SLC7A1: variants seen among roughly 807,000 people sequenced by gnomAD.
The protein encoded by SLC7A1 is high affinity cationic amino acid transporter 1.
A neutral mutation model predicts 53.9 loss-of-function variants in SLC7A1; 10 were observed. The ratio of observed to expected loss-of-function variants is 0.19; its 90% CI spans 0.11 to 0.31. The LOEUF (loss-of-function observed/expected upper bound fraction) is 0.31, where lower values mean the gene tolerates loss of function less well. Ranked by LOEUF, SLC7A1 falls within the 10% of genes least tolerant of loss-of-function variation. The pLI is 1.00. For missense variants in SLC7A1, 525 were observed against 827.2 expected (o/e 0.63, Z 4.48); for synonymous variants, 342 against 338.7 (o/e 1.01, Z -0.11).
chr13:29,554,266 C>G (rs1055655509), intron 1 of SLC7A1, among the ~76,000 whole-genome samples: 4 of 152,196 alleles, frequency 2.6e-5, no homozygotes, highest in Admixed American at 1.3e-4. Context: ...TATTGACCAG[C>G]AAGGCCAGCA....
At chr13:29,565,917 G>A (rs1016706030) in intron 1 of SLC7A1, among the ~76,000 whole-genome samples, 5 of 152,170 alleles carry the variant, frequency 3.3e-5, no homozygotes, top group Non-Finnish European at 5.9e-5. Context: ...TCTGGGCCAA[G>A]GAACCATCAC....
chr13:29,570,383 T>C (rs1871141180), intron 1 of SLC7A1, among the ~76,000 whole-genome samples: 1 of 152,256 alleles, frequency 6.6e-6, no homozygotes, highest in Non-Finnish European at 1.5e-5. Context: ...CTGCCCTCGC[T>C]GTGTGAACTT....
At chr13:29,518,585 A>C (rs1868467921) in intron 9 of SLC7A1, among the ~76,000 whole-genome samples, 1 of 152,166 alleles carries the variant, frequency 6.6e-6, no homozygotes, top group African/African-American at 2.4e-5. Context: ...CTCAGAGAAT[A>C]TTCTAGCATT....
In SLC7A1 at chr13:29,566,897, C is replaced by T. The variant is rs74738996; in HGVS notation, c.-114-13037G>A. Among the ~76,000 whole-genome samples, 22 of 152,340 alleles carry T rather than the reference C, an allele frequency of 1.4e-4. No homozygotes were observed. In the East Asian group the frequency reaches 3.5e-3, roughly 24 times the overall value. On this transcript the variant is annotated intron_variant, in intron 1 of 12. Transcript: ENST00000380752. ...TATTCAAGTTCGGTTGCTAAGGCAG[C>T]ACTTTCTCCCACATACTTTAATTCT... is the stretch of plus-strand genomic sequence containing the variant.
At chr13:29,522,898 G>A (rs1425111072) in intron 7 of SLC7A1, among the ~76,000 whole-genome samples, 5 of 152,190 alleles carry the variant, frequency 3.3e-5, no homozygotes, top group African/African-American at 1.2e-4. Context: ...CTCATTAAAA[G>A]GCACTTATTC....
At chr13:29,579,282 C>T (rs1367874546) in intron 1 of SLC7A1, among the ~76,000 whole-genome samples, 2 of 152,138 alleles carry the variant, frequency 1.3e-5, no homozygotes, top group Non-Finnish European at 2.9e-5. Context: ...TGAGGCGCCC[C>T]GCACAACAGG....
chr13:29,575,432 T>C (rs185551365), intron 1 of SLC7A1, among the ~76,000 whole-genome samples: 58 of 152,328 alleles, frequency 3.8e-4, no homozygotes, highest in African/African-American at 1.3e-3. Context: ...ATATTTTGAA[T>C]TTTTAAAGAG....
intron 5 of SLC7A1, among the ~76,000 whole-genome samples, chr13:29,530,093 A>G (rs1381052121): frequency 1.3e-5 from 2 of 152,160 alleles, no homozygotes; most frequent in African/African-American, 4.8e-5. Context: ...AGTTTCACCT[A>G]TTTCTCTTCC....
At position 29,523,404 on chromosome 13, in the gene SLC7A1, A is replaced by G; in HGVS notation, c.911T>C (p.Val304Ala). The G allele has an allele frequency of 6.2e-7, 1 of 1,613,792 alleles. No homozygotes were observed. The highest frequency in any genetic ancestry group is 8.5e-7 in the Non-Finnish European group (1 of 1,179,996). The change falls in exon 7 of 13, where the codon GTG (valine) becomes GCG (alanine). Residue 304 changes from valine to alanine, a missense_variant. This residue lies in a region of SLC7A1 where 354 missense variants were observed against 587.5 expected (regional missense o/e 0.60). Transcript: ENST00000380752. ...CATCATGAGCGTGAGGGCAGCCGAC[A>G]CCCCAAAGTAGGCGATGAAGCAGAT... is the stretch of plus-strand genomic sequence containing the variant. ...LLICFIAYFG[V>A]SAALTLMMPY...
intron 6 of SLC7A1, 123 bp downstream of exon 6, chr13:29,524,009 A>G: frequency 1.1e-6 from 1 of 910,540 alleles, no homozygotes; most frequent in South Asian, 1.6e-5. Flanking sequence ...CTACAAATCT[A>G]CATGTTGCTC....
intron 2 of SLC7A1, among the ~76,000 whole-genome samples, chr13:29,539,327 G>A (rs1310372674): frequency 1.3e-5 from 2 of 152,118 alleles, no homozygotes; most frequent in East Asian, 1.9e-4. Context: ...AATGTGAGCC[G>A]GCTGCTCGCA....
intron 9 of SLC7A1, among the ~76,000 whole-genome samples, chr13:29,518,906 G>A (rs1158742164): frequency 4.6e-5 from 7 of 151,804 alleles, no homozygotes; most frequent in Admixed American, 2.6e-4. Context: ...CTGTGACTGG[G>A]AGAGGCTTGC....
chr13:29,547,374 G>A (rs1403347432), intron 2 of SLC7A1, among the ~76,000 whole-genome samples: 1 of 152,156 alleles, frequency 6.6e-6, no homozygotes, highest in Non-Finnish European at 1.5e-5. Flanking sequence ...GGACCCAACC[G>A]GGGCTTCGGC....
At chr13:29,517,421 G>A in intron 10 of SLC7A1, 111 bp from the exon 11 acceptor site, 2 of 1,283,206 alleles carry the variant, frequency 1.6e-6, no homozygotes, top group Middle Eastern at 1.9e-4. Flanking sequence ...ATTTCCGAAG[G>A]CACAACTACA....
At chr13:29,575,012 A>T (rs533058013) in intron 1 of SLC7A1, among the ~76,000 whole-genome samples, 1 of 152,280 alleles carries the variant, frequency 6.6e-6, no homozygotes, top group South Asian at 2.1e-4. Flanking sequence ...CACAAATCAC[A>T]AGTATCTGTC....
At chr13:29,563,958 G>T (rs189888880) in intron 1 of SLC7A1, among the ~76,000 whole-genome samples, 2 of 152,316 alleles carry the variant, frequency 1.3e-5, no homozygotes, top group East Asian at 3.9e-4. Context: ...GTGATGCTCT[G>T]CCGGCCAATG....
chr13:29,563,170 T>C (rs1287759398), intron 1 of SLC7A1, among the ~76,000 whole-genome samples: 1 of 152,186 alleles, frequency 6.6e-6, no homozygotes, highest in Non-Finnish European at 1.5e-5. Flanking sequence ...TCTGACAATG[T>C]CTGGAGACAT....
At chr13:29,525,034 C>T (rs1240073645) in intron 5 of SLC7A1, among the ~76,000 whole-genome samples, 1 of 152,204 alleles carries the variant, frequency 6.6e-6, no homozygotes, top group Non-Finnish European at 1.5e-5. Context: ...TCCTTCAAGC[C>T]CTTGTTCCCT....
intron 1 of SLC7A1, among the ~76,000 whole-genome samples, chr13:29,576,294 A>T (rs553738024): frequency 1.6e-4 from 16 of 98,776 alleles, no homozygotes; most frequent in African/African-American, 7.2e-4. Context: ...CCTGTTTTTT[A>T]AAAAAAAAAA....
Sources: gnomAD v4.1 joint callset for allele counts (sites outside exome capture counted in the v4.1 genomes callset) on GRCh38, gnomAD v4.1.1 for gene constraint, gnomAD v4.1.1 regional missense constraint, MANE v1.5 for transcripts, NCBI Gene and HGNC (gene_info 2026-07-23, HGNC 2026-07-21) for gene names.